The following TLCD5 variants were observed in gnomAD, a reference collection of about 807,000 sequenced individuals.
The protein encoded by TLCD5 is TLC domain-containing protein 5.
TLCD5 carries 15 observed loss-of-function variants against 20.5 expected under a neutral mutation model. The observed-to-expected ratio is 0.73, with a 90% confidence interval of 0.49 to 1.13. The LOEUF is 1.13. TLCD5 is among the 50% of genes most tolerant of loss of function. The pLI, the probability that TLCD5 is intolerant of heterozygous loss-of-function variation, is 0.00. For missense variants in TLCD5, 289 were observed against 305.6 expected, an observed-to-expected ratio of 0.95 and a Z score of 0.41; for synonymous variants, 107 against 114.7, an observed-to-expected ratio of 0.93 and a Z score of 0.43.
chr11:120,333,387 A>G lies in TLCD5; in HGVS notation c.*2872A>G, dbSNP rs915963098. ...TTTTGAATGGTGAGAAATCTGAATA[A>G]TTGGTAAGGGGAAGGGAATCCCTCA... is the stretch of plus-strand genomic sequence containing the variant. On this transcript the variant is annotated 3_prime_UTR_variant, in exon 3 of 3. Transcript: ENST00000375095. This position sits in a 1 kb window ranked among gnomAD's most constrained non-coding sequence, Gnocchi z 4.5. 4 of 152,130 alleles carry G rather than the reference A, an allele frequency of 2.6e-5. No homozygotes were observed. Among genetic ancestry groups the G allele is most frequent in the African/African-American group, 9.7e-5 (4 of 41,410 alleles). 9.4% of individuals were successfully genotyped at this position (152,130 alleles called of 1,614,324 possible). A position where few individuals can be genotyped will look rare whatever the true frequency, so the allele number is the denominator to read the frequency against.
intron 2 of TLCD5, 80 bp downstream of exon 2, chr11:120,327,720 C>A: frequency 7.2e-7 from 1 of 1,383,114 alleles, no homozygotes. Context: ...AGAATTTGTA[C>A]AATACTGAAG....
In TLCD5 at chr11:120,329,862, A is replaced by C; in HGVS notation, c.200-115A>C. The stretch of plus-strand genomic sequence containing the variant: ...CCTCATTAAAAAGCATGTGCCTGCT[A>C]TTGTTTTTGTTTCTTTAGTGTCTAG... On this transcript the variant is annotated intron_variant, in intron 2 of 2. Coordinates refer to ENST00000375095, the MANE Select transcript of TLCD5 (RefSeq NM_001198671.2). 3 of 1,018,070 alleles carry C rather than the reference A, an allele frequency of 2.9e-6. No homozygotes were observed. In the South Asian group the frequency reaches 5.0e-5, roughly 17 times the overall value. The allele number at this position is 1,018,070 out of a possible 1,614,324, so 63.1% of individuals were successfully genotyped here. A position where few individuals can be genotyped will look rare whatever the true frequency, so the allele number is the denominator to read the frequency against.
intron 1 of TLCD5, among the ~76,000 whole-genome samples, chr11:120,325,855 T>G (rs772270273): frequency 2.2e-4 from 33 of 152,262 alleles, no homozygotes; most frequent in Non-Finnish European, 4.1e-4. Flanking sequence ...TACGAATGTC[T>G]GTTCTTTTAT....
rs1942030919 is a variant in TLCD5 at position 120,327,573 on chromosome 11, A to G, written c.132A>G (p.Gly44=). The G allele has an allele frequency of 6.2e-6, 10 of 1,614,040 alleles. No homozygotes were observed. Among genetic ancestry groups the G allele is most frequent in the Non-Finnish European group, 8.5e-6 (10 of 1,180,034 alleles). The part of the protein sequence containing the change: ...WSCRLVTFTH[G]VLSIGLSAYI... The stretch of plus-strand genomic sequence containing the variant: ...GCCGCCTGGTCACCTTCACCCATGG[A>G]GTCCTCTCTATAGGCCTCTCCGCTT... Residue 44 remains glycine, a synonymous_variant, in exon 2 of 3, where the codon GGA becomes GGG. Transcript: ENST00000375095.
In TLCD5 at chr11:120,330,205, G is replaced by A. The variant is rs193275878; in HGVS notation, c.428G>A (p.Arg143His). The A allele has an allele frequency of 5.0e-5, 78 of 1,564,188 alleles. No individual in the cohort carries two copies. Among genetic ancestry groups the A allele is most frequent in the East Asian group, 1.2e-4 (5 of 42,500 alleles). Reference protein sequence around the residue: ...SELTNPLLQMRWFLRETGHYH... With the variant: ...SELTNPLLQMHWFLRETGHYH... ...CTTACCAACCCCTTGCTACAGATGC[G>A]CTGGTTTCTCCGGGAAACAGGGCAC... The change falls in exon 3 of 3, where the codon CGC becomes CAC. Residue 143 changes from arginine (R) to histidine (H), a missense_variant. Coordinates refer to ENST00000375095, the MANE Select transcript of TLCD5 (RefSeq NM_001198671.2).
At chr11:120,325,888 C>T (rs747489334) in intron 1 of TLCD5, among the ~76,000 whole-genome samples, 8 of 152,252 alleles carry the variant, frequency 5.3e-5, no homozygotes, top group Non-Finnish European at 1.2e-4. Flanking sequence ...AAATGGGCTA[C>T]TGTTTTCTCT....
At position 120,327,521 on chromosome 11, in the gene TLCD5, A is replaced by G. The variant is rs368403551; in HGVS notation, c.80A>G (p.Asn27Ser). 9 of 1,614,068 alleles carry G rather than the reference A, an allele frequency of 5.6e-6. No individual in the cohort carries two copies. Among genetic ancestry groups the G allele is most frequent in the Non-Finnish European group, 7.6e-6 (9 of 1,180,046 alleles). ...LSLYISFCHL[N>S]KHRSYEWSCR... ...CTCTATATTTCTTTCTGCCACCTGA[A>G]TAAGCACCGAAGCTATGAGTGGAGC... is the stretch of plus-strand genomic sequence containing the variant. The change falls in exon 2 of 3, where the codon AAT becomes AGT. Residue 27 changes from asparagine to serine, a missense_variant. By Grantham distance (46) the Asn-to-Ser change is conservative. Coordinates refer to ENST00000375095, the MANE Select transcript of TLCD5 (RefSeq NM_001198671.2).
chr11:120,329,562 G>GA (rs1280469742), intron 2 of TLCD5, among the ~76,000 whole-genome samples: 4 of 150,874 alleles, frequency 2.7e-5, no homozygotes, highest in Admixed American at 6.6e-5. Flanking sequence ...ATTAAGCTGA[G>GA]AAAAAAATCT....
intron 1 of TLCD5, 34 bp from the exon 2 acceptor site, chr11:120,327,407 C>G: frequency 6.2e-7 from 1 of 1,613,974 alleles, no homozygotes. Context: ...AGGGTGCATC[C>G]TTTGTTTTTC....
intron 1 of TLCD5, among the ~76,000 whole-genome samples, chr11:120,325,976 T>C (rs2135159098): frequency 6.6e-6 from 1 of 152,338 alleles, no homozygotes; most frequent in South Asian, 2.1e-4. Context: ...CTGATCCGCA[T>C]TACTGGCCAG....
chr11:120,327,488 G>A lies in TLCD5; in HGVS notation c.47G>A (p.Trp16Ter). The A allele has an allele frequency of 6.2e-7, 1 of 1,614,184 alleles. No individual in the cohort carries two copies. Among genetic ancestry groups the A allele is most frequent in the South Asian group, 1.1e-5 (1 of 91,082 alleles). The change falls in exon 2 of 3, where the codon TGG (tryptophan) becomes TAG (stop). Residue 16 changes from tryptophan to a stop codon, truncating the protein, a stop_gained. Transcript: ENST00000375095. LOFTEE classifies it high-confidence loss of function. ...CAGGTGCTGTGCAGCCTGTGTGGCT[G>A]GCTCTCGCTCTATATTTCTTTCTGC... ...CLQVLCSLCG[W>*]LSLYISFCHL... is the part of the protein sequence containing the mutation.
At chr11:120,327,402 G>A (rs755887440) in intron 1 of TLCD5, 39 bp from the exon 2 acceptor site, 3 of 1,614,048 alleles carry the variant, frequency 1.9e-6, no homozygotes, top group Admixed American at 3.3e-5. Flanking sequence ...TTCTTAGGGT[G>A]CATCCTTTGT....
chr11:120,328,842 AGTGT>A (rs67336059), intron 2 of TLCD5, among the ~76,000 whole-genome samples: 13 of 36,838 alleles, frequency 3.5e-4, no homozygotes, highest in South Asian at 1.0e-3. Flanking sequence ...TAACAGTCAT[AGTGT>A]GTGTGTGTGT....
At chr11:120,329,857 C>T in intron 2 of TLCD5, 120 bp from the exon 3 acceptor site, 1 of 961,822 alleles carries the variant, frequency 1.0e-6, no homozygotes, top group Non-Finnish European at 1.6e-6. Context: ...AAGCATGTGC[C>T]TGCTATTGTT....
chr11:120,327,053 T>G, intron 1 of TLCD5: 2 of 280,630 alleles, frequency 7.1e-6, no homozygotes, highest in Non-Finnish European at 1.3e-5. Context: ...GTGCGTTTCA[T>G]TGGGGTTTTT....
chr11:120,329,080 TTGTG>T (rs67465966), intron 2 of TLCD5, among the ~76,000 whole-genome samples: 1,954 of 114,556 alleles, frequency 0.017, 40 homozygotes, highest in African/African-American at 0.053. Context: ...AACAGTCATA[TTGTG>T]TGTGTGTGTG....
At position 120,325,363 on chromosome 11, in the gene TLCD5, C is replaced by T. The variant is rs1433540326; in HGVS notation, c.-7C>T. The stretch of plus-strand genomic sequence containing the variant: ...GCGCCCGAGGCTTCCCGGTGCGCTC[C>T]GCCAGGTAACCGCTCGGCGCGAACT... On this transcript the variant is annotated 5_prime_UTR_variant, in exon 1 of 3. Transcript: ENST00000375095. 6.6e-6 allele frequency: 1 copy of T among 152,198 alleles called. No homozygotes were observed. The highest frequency in any genetic ancestry group is 1.5e-5 in the Non-Finnish European group (1 of 68,052). 9.4% of individuals were successfully genotyped at this position (152,198 alleles called of 1,614,324 possible).
In TLCD5 at chr11:120,330,464, G is replaced by A. The variant is rs1289742425; in HGVS notation, c.687G>A (p.Arg229=). The change falls in exon 3 of 3, where the codon AGG becomes AGA. Residue 229 remains arginine (R), a synonymous_variant. Coordinates refer to ENST00000375095, the MANE Select transcript of TLCD5 (RefSeq NM_001198671.2). ...AGAAGTACCATGCTTGGAGAAGCAG[G>A]CGGAGTGAGGAACGGCAGCTGAAAC... ...SIKKYHAWRS[R]RSEERQLKHN... 6.2e-7 allele frequency: 1 copy of A among 1,614,094 alleles called. No homozygotes were observed. The highest frequency in any genetic ancestry group is 1.7e-5 in the Admixed American group (1 of 60,016).
At chr11:120,328,834 A>G (rs1038063566) in intron 2 of TLCD5, among the ~76,000 whole-genome samples, 3 of 133,182 alleles carry the variant, frequency 2.3e-5, no homozygotes, top group African/African-American at 8.8e-5. Flanking sequence ...TCTAAGGATA[A>G]CAGTCATAGT....
Sources: allele counts gnomAD v4.1 joint callset (sites outside exome capture counted in the v4.1 genomes callset), GRCh38; gene constraint gnomAD v4.1.1; non-coding constraint Gnocchi (gnomAD v3.1); transcripts MANE v1.5; gene names NCBI Gene and HGNC (gene_info 2026-07-23, HGNC 2026-07-21).